The following LEMD3 variants were observed in gnomAD, a reference collection of about 807,000 sequenced individuals.
The protein encoded by LEMD3 is LEM domain containing 3.
In LEMD3, 33 loss-of-function variants were observed where a neutral mutation model predicts 95.2. The ratio of observed to expected loss-of-function variants is 0.35; its 90% CI spans 0.26 to 0.46. The LOEUF (loss-of-function observed/expected upper bound fraction) is 0.46. Among genes scored for constraint, LEMD3 ranks in the 20% least tolerant of loss-of-function variants. The pLI, the probability that LEMD3 is intolerant of heterozygous loss-of-function variation, is 1.00. For synonymous variants in LEMD3, 525 were observed against 474.6 expected (o/e 1.11, Z -1.38); for missense variants, 1,210 against 1,192.8 (o/e 1.01, Z -0.21).
intron 1 of LEMD3, among the ~76,000 whole-genome samples, chr12:65,196,018 A>C (rs1343946744): frequency 6.6e-6 from 1 of 152,074 alleles, no homozygotes; most frequent in African/African-American, 2.4e-5. Flanking sequence ...GGGACAGAGA[A>C]AATTTTGCTT....
At chr12:65,224,629 G>A (rs1870393956) in intron 4 of LEMD3, among the ~76,000 whole-genome samples, 1 of 151,910 alleles carries the variant, frequency 6.6e-6, no homozygotes, top group Non-Finnish European at 1.5e-5. Flanking sequence ...TGTATGTGAT[G>A]AGTAGCTTGC....
intron 1 of LEMD3, among the ~76,000 whole-genome samples, chr12:65,210,533 A>C (rs1869904669): frequency 1.3e-5 from 2 of 152,116 alleles, no homozygotes; most frequent in Admixed American, 1.3e-4. Flanking sequence ...TATCTCATTT[A>C]ATCCTGACAA....
intron 9 of LEMD3, among the ~76,000 whole-genome samples, chr12:65,242,742 GT>G (rs1870973818): frequency 6.6e-6 from 1 of 151,974 alleles, no homozygotes; most frequent in African/African-American, 2.4e-5. Flanking sequence ...CTTCTAACTG[GT>G]CATCTTGCAT....
At chr12:65,233,903 T>C (rs1407017985) in intron 4 of LEMD3, among the ~76,000 whole-genome samples, 1 of 152,170 alleles carries the variant, frequency 6.6e-6, no homozygotes, top group African/African-American at 2.4e-5. Context: ...TATGCGTGAG[T>C]ACACACATAA....
intron 1 of LEMD3, among the ~76,000 whole-genome samples, chr12:65,175,830 C>T (rs1306750338): frequency 6.6e-6 from 1 of 152,020 alleles, no homozygotes; most frequent in African/African-American, 2.4e-5. Context: ...GTACCAATAC[C>T]ATCTGACATT....
intron 2 of LEMD3, among the ~76,000 whole-genome samples, chr12:65,214,943 A>T (rs948375811): frequency 3.3e-5 from 5 of 152,046 alleles, no homozygotes; most frequent in African/African-American, 1.2e-4. Flanking sequence ...ATAATTCTCT[A>T]TCTGGACTCT....
chr12:65,174,820 A>G (rs533002434), intron 1 of LEMD3, among the ~76,000 whole-genome samples: 1 of 152,358 alleles, frequency 6.6e-6, no homozygotes, highest in Admixed American at 6.5e-5. Context: ...GGACAAGTAA[A>G]TAAGAATTTC....
chr12:65,231,179 T>C (rs1415148929), intron 4 of LEMD3, among the ~76,000 whole-genome samples: 2 of 152,176 alleles, frequency 1.3e-5, no homozygotes, highest in African/African-American at 4.8e-5. Context: ...GTGTTTTTGT[T>C]ACCTTTTCTT....
intron 1 of LEMD3, among the ~76,000 whole-genome samples, chr12:65,179,587 T>C (rs781617763): frequency 5.3e-5 from 8 of 152,192 alleles, no homozygotes; most frequent in Admixed American, 2.0e-4. Flanking sequence ...TTATTACTAA[T>C]GATATAATCT....
intron 8 of LEMD3, 113 bp downstream of exon 8, chr12:65,240,351 C>G: frequency 3.7e-6 from 3 of 812,594 alleles, no homozygotes; most frequent in Non-Finnish European, 6.3e-6. Context: ...GCTTACTGCA[C>G]AGGTTTTTTT....
At chr12:65,182,034 A>C (rs1868922044) in intron 1 of LEMD3, among the ~76,000 whole-genome samples, 1 of 152,118 alleles carries the variant, frequency 6.6e-6, no homozygotes, top group Admixed American at 6.6e-5. Flanking sequence ...GTAACTACTC[A>C]TACTATGTCT....
At chr12:65,201,648 G>A (rs1869603262) in intron 1 of LEMD3, among the ~76,000 whole-genome samples, 1 of 152,076 alleles carries the variant, frequency 6.6e-6, no homozygotes, top group African/African-American at 2.4e-5. Context: ...CTTGCATCTT[G>A]CAACCTTGCT....
chr12:65,171,145 T>TAAC, intron 1 of LEMD3, 27 bp downstream of exon 1: 1 of 1,604,802 alleles, frequency 6.2e-7, no homozygotes, highest in Non-Finnish European at 8.5e-7. Context: ...GTGGGTAAGG[T>TAAC]AACAAAGAGA....
rs570371841 is a variant in LEMD3, at chr12:65,180,347, T to C, written c.1522+9229T>C. On this transcript the variant is annotated intron_variant, in intron 1 of 12. Transcript: ENST00000308330. ...ATGCTTTAAACTGCATCAGTTTATA[T>C]ATTATATATTATATATATAGTTAAT... Among the ~76,000 whole-genome samples, 12 of 149,044 alleles carry C rather than the reference T, an allele frequency of 8.1e-5. No homozygotes were observed. The South Asian group carries it at 1.0e-3, about 13-fold the overall frequency.
intron 10 of LEMD3, chr12:65,245,245 C>G (rs1205632185): frequency 1.1e-5 from 2 of 177,420 alleles, no homozygotes; most frequent in Non-Finnish European, 2.4e-5. Context: ...ATTCTCCTGC[C>G]TCAGCCTCCC....
chr12:65,240,231 C>T lies in LEMD3; in HGVS notation c.2119C>T (p.His707Tyr). 6.2e-7 allele frequency: 1 copy of T among 1,607,640 alleles called. No homozygotes were observed. Among genetic ancestry groups the T allele is most frequent in the East Asian group, 2.2e-5 (1 of 44,802 alleles). Residue 707 changes from histidine to tyrosine, a missense_variant, in exon 8 of 13, where the codon CAT becomes TAT. By Grantham distance (83) the His-to-Tyr change is moderately conservative. This residue lies in a region of LEMD3 where 461 missense variants were observed against 569.8 expected (regional missense o/e 0.81). Transcript: ENST00000308330. ...TGTACGCGATTCCTTAATACAGCCTCATGACAGGTGTGTTCAAAGCATTAT... is the reference window on the plus strand; with the variant it reads ...TGTACGCGATTCCTTAATACAGCCTTATGACAGGTGTGTTCAAAGCATTAT... ...PHVRDSLIQP[H>Y]DRKKMKKVWD...
intron 4 of LEMD3, among the ~76,000 whole-genome samples, chr12:65,236,639 G>A (rs1477688101): frequency 1.3e-5 from 2 of 152,076 alleles, no homozygotes. Context: ...ATTTTTCACT[G>A]TGTTGTTTAT....
At chr12:65,184,928 T>A (rs1217637576) in intron 1 of LEMD3, among the ~76,000 whole-genome samples, 3 of 152,136 alleles carry the variant, frequency 2.0e-5, no homozygotes, top group African/African-American at 7.2e-5. Context: ...CCTCTTCTCC[T>A]TTCTCTCTTT....
At position 65,208,845 on chromosome 12, in the gene LEMD3, G is replaced by A. The variant is rs190886946; in HGVS notation, c.1523-2081G>A. On this transcript the variant is annotated intron_variant, in intron 1 of 12. Transcript: ENST00000308330. Reference sequence around the variant, plus strand: ...GAAAGTATACTCTTGGCTTTTTTAGGTATGTTATACTCCAGGTATTTTAGA... The same window carrying A: ...GAAAGTATACTCTTGGCTTTTTTAGATATGTTATACTCCAGGTATTTTAGA... Among the ~76,000 whole-genome samples the A allele has an allele frequency of 4.6e-5, 7 of 152,122 alleles. No individual in the cohort carries two copies. In the East Asian group the frequency reaches 1.2e-3, roughly 25 times the overall value.
Sources: allele counts gnomAD v4.1 joint callset (sites outside exome capture counted in the v4.1 genomes callset), GRCh38; gene constraint gnomAD v4.1.1; regional missense constraint gnomAD v4.1.1; transcripts MANE v1.5; gene names NCBI Gene and HGNC (gene_info 2026-07-23, HGNC 2026-07-21).